USP47: variants seen among roughly 807,000 people sequenced by gnomAD.
USP47 encodes ubiquitin specific peptidase 47, also known as ubiquitin carboxyl-terminal hydrolase 47.
A neutral mutation model predicts 165.1 loss-of-function variants in USP47; 35 were observed. The ratio of observed to expected loss-of-function variants is 0.21; its 90% confidence interval spans 0.16 to 0.28. The LOEUF (loss-of-function observed/expected upper bound fraction) is 0.28, where lower values mean the gene tolerates loss of function less well. Ranked by LOEUF, USP47 falls within the 10% of genes least tolerant of loss-of-function variation. The pLI is 1.00. For synonymous variants in USP47, 531 were observed against 544.5 expected, an observed-to-expected ratio of 0.98 and a Z score of 0.35; for missense variants, 1,277 against 1,607.4, an observed-to-expected ratio of 0.79 and a Z score of 3.52.
At chr11:11,925,131 G>A (rs1219652302) in intron 11 of USP47, among the ~76,000 whole-genome samples, 3 of 149,194 alleles carry the variant, frequency 2.0e-5, no homozygotes, top group Non-Finnish European at 3.0e-5. Context: ...TTTTTGAGAC[G>A]GAGTCTCGCT....
Position 11,934,607 on chromosome 11 carries a change from C to G in USP47, c.1869+672C>G, listed in dbSNP as rs1381513802. Among the ~76,000 whole-genome samples the G allele has an allele frequency of 1.3e-5, 2 of 151,976 alleles. 1 individual carries two copies. The highest frequency in any genetic ancestry group is 2.9e-5 in the Non-Finnish European group (2 of 68,006). On this transcript the variant is annotated intron_variant, in intron 16 of 27. Transcript: ENST00000527733. ...TGCTGAGGTGAGGAGATGCTTGGCA[C>G]GTTTAAGAAACTGAAGAAAGGAGCC...
chr11:11,845,023 A>T (rs899304676), intron 1 of USP47, among the ~76,000 whole-genome samples: 2 of 152,214 alleles, frequency 1.3e-5, no homozygotes, highest in African/African-American at 4.8e-5. Context: ...GTTGAAGAAA[A>T]AAAGTCAAAA....
At chr11:11,936,096 A>T (rs949583481) in intron 16 of USP47, among the ~76,000 whole-genome samples, 5 of 151,858 alleles carry the variant, frequency 3.3e-5, no homozygotes, top group Non-Finnish European at 1.5e-5. Context: ...GATTGGAGGG[A>T]TAATGAAACA....
At chr11:11,905,303 T>C in intron 7 of USP47, 96 bp from the exon 8 acceptor site, 1 of 742,492 alleles carries the variant, frequency 1.3e-6, no homozygotes, top group Non-Finnish European at 1.9e-6. Flanking sequence ...TAAATATCAA[T>C]ATCCTTTTGT....
chr11:11,907,143 A>G (rs1411987909), intron 8 of USP47, among the ~76,000 whole-genome samples: 2 of 152,182 alleles, frequency 1.3e-5, no homozygotes, highest in Non-Finnish European at 2.9e-5. Context: ...CCACTCTCTT[A>G]AGTATATTAA....
At chr11:11,934,190 CTCTT>C (rs1206282283) in intron 16 of USP47, among the ~76,000 whole-genome samples, 2 of 152,050 alleles carry the variant, frequency 1.3e-5, no homozygotes, top group Non-Finnish European at 2.9e-5. Context: ...TGTTTATTTG[CTCTT>C]TCTATTCATT....
intron 11 of USP47, among the ~76,000 whole-genome samples, chr11:11,924,499 GC>G (rs769246284): frequency 1.3e-5 from 2 of 152,146 alleles, no homozygotes; most frequent in Non-Finnish European, 2.9e-5. Context: ...TGTTCCCTCT[GC>G]CTTTATTTTT....
At position 11,879,558 on chromosome 11, in the gene USP47, C is replaced by G. The variant is rs112459849; in HGVS notation, c.40-619C>G. Among the ~76,000 whole-genome samples, 684 of 152,166 alleles carry G rather than the reference C, an allele frequency of 4.5e-3. 3 individuals are homozygous for G. Among genetic ancestry groups the G allele is most frequent in the African/African-American group, 0.016 (647 of 41,522 alleles). ...TCTGTATTGGTAATTGAAACTGTTT[C>G]CTTGTTTTTCCTTCCCCCTCCTCCT... On this transcript the variant is annotated intron_variant, in intron 1 of 27. Transcript: ENST00000527733.
rs779695087 is a variant in USP47, at chr11:11,933,050, G to T, written c.1698G>T (p.Val566=). Residue 566 remains valine (V), a synonymous_variant, in exon 15 of 28, where the codon GTG becomes GTT. Transcript: ENST00000527733. ...DEYPEHIKNL[V]QKERELEEQE... is the part of the protein sequence containing the mutation. ...ACCCAGAACATATTAAAAACTTGGT[G>T]CAGAAAGAGAGAGAGTTGGAAGAAC... The T allele has an allele frequency of 2.5e-6, 4 of 1,613,364 alleles. No homozygotes were observed. The South Asian group carries it at 4.4e-5, about 18-fold the overall frequency.
At chr11:11,853,961 CTAAAA>C (rs1445267758) in intron 1 of USP47, among the ~76,000 whole-genome samples, 1 of 151,704 alleles carries the variant, frequency 6.6e-6, no homozygotes, top group Admixed American at 6.6e-5. Context: ...CCCGTCTCTA[CTAAAA>C]TAAAATAAAA....
At chr11:11,861,082 C>CTTTAT (rs1554902449) in intron 1 of USP47, among the ~76,000 whole-genome samples, 68 of 152,072 alleles carry the variant, frequency 4.5e-4, no homozygotes, top group Non-Finnish European at 5.4e-4. Context: ...GTCCATCCAA[C>CTTTAT]TTTATTTTAT....
At chr11:11,884,415 T>C in intron 2 of USP47, 52 bp from the exon 3 acceptor site, 1 of 1,298,116 alleles carries the variant, frequency 7.7e-7, no homozygotes, top group South Asian at 1.4e-5. Context: ...TATTTACAGA[T>C]TACTTATTTT....
At chr11:11,866,647 C>A (rs1375031794) in intron 1 of USP47, among the ~76,000 whole-genome samples, 3 of 152,100 alleles carry the variant, frequency 2.0e-5, no homozygotes, top group Non-Finnish European at 2.9e-5. Flanking sequence ...TCCTATAATA[C>A]ATTTTTTAAG....
At chr11:11,947,896 G>T (rs762378060) in intron 20 of USP47, 49 bp from the exon 21 acceptor site, 2 of 1,546,712 alleles carry the variant, frequency 1.3e-6, no homozygotes, top group Admixed American at 2.1e-5. Context: ...TATACTCAGA[G>T]GTTTCTTTTA....
At position 11,929,539 on chromosome 11, in the gene USP47, A is replaced by G; in HGVS notation, c.1492A>G (p.Ser498Gly). The G allele has an allele frequency of 6.2e-7, 1 of 1,613,202 alleles. No individual in the cohort carries two copies. The highest frequency in any genetic ancestry group is 8.5e-7 in the Non-Finnish European group (1 of 1,179,330). The change falls in exon 12 of 28, where the codon AGC (serine) becomes GGC (glycine). Residue 498 changes from serine to glycine, a missense_variant. Physicochemically the swap from Ser to Gly is moderately conservative, Grantham distance 56 (BLOSUM62 0). Around this residue, in one of 4 missense-constraint regions of USP47, gnomAD observed 909 missense variants for 1,068.1 expected, o/e 0.85. Transcript: ENST00000527733. ...GTCATTCAGTGATGAGCAGTGGTAC[A>G]GCTTCAATGATCAACATGTCAGCAG... ...IKSFSDEQWYSFNDQHVSRIT... is the reference protein window; with the variant it reads ...IKSFSDEQWYGFNDQHVSRIT...
intron 1 of USP47, among the ~76,000 whole-genome samples, chr11:11,847,680 G>C (rs1309708818): frequency 6.6e-6 from 1 of 151,852 alleles, no homozygotes; most frequent in Non-Finnish European, 1.5e-5. Flanking sequence ...TCTCTCCATG[G>C]CTCTGCCTTT....
chr11:11,906,690 C>G (rs1405891303), intron 8 of USP47, among the ~76,000 whole-genome samples: 2 of 152,058 alleles, frequency 1.3e-5, no homozygotes, highest in Non-Finnish European at 2.9e-5. Context: ...ATGTTTAGTA[C>G]TACTTTTTTA....
Position 11,930,063 on chromosome 11 carries a change from A to C in USP47, c.1538A>C (p.Lys513Thr). Residue 513 changes from lysine to threonine, a missense_variant, in exon 13 of 28, where the codon AAG becomes ACG. By Grantham distance (78) the Lys-to-Thr change is moderately conservative. This residue lies in a region of USP47 where 909 missense variants were observed against 1,068.1 expected (regional missense o/e 0.85). Transcript: ENST00000527733. ...HVSRITQEDI[K>T]KTHGGSSGSR... ...TTTCAGATAACACAAGAGGACATTA[A>C]GAAAACACATGGTGGATCTTCAGGA... is the stretch of plus-strand genomic sequence containing the variant. The C allele has an allele frequency of 6.2e-7, 1 of 1,613,462 alleles. No homozygotes were observed. Among genetic ancestry groups the C allele is most frequent in the South Asian group, 1.1e-5 (1 of 91,056 alleles).
At chr11:11,926,306 C>G (rs747439229) in intron 11 of USP47, among the ~76,000 whole-genome samples, 11 of 152,060 alleles carry the variant, frequency 7.2e-5, no homozygotes, top group Non-Finnish European at 1.6e-4. Flanking sequence ...GCAACCTGGT[C>G]CTGGGGTTTT....
Sources: allele counts gnomAD v4.1 joint callset (sites outside exome capture counted in the v4.1 genomes callset), GRCh38; gene constraint gnomAD v4.1.1; regional missense constraint gnomAD v4.1.1; transcripts MANE v1.5; gene names NCBI Gene and HGNC (gene_info 2026-07-23, HGNC 2026-07-21).